The following ASAP1 variants were observed in gnomAD, a reference collection of about 807,000 sequenced individuals.
ASAP1 encodes ArfGAP with SH3 domain, ankyrin repeat and PH domain 1.
Under a neutral mutation model 145.2 loss-of-function variants are expected in ASAP1, and 43 were observed. The observed-to-expected ratio is 0.30, with a 90% CI of 0.23 to 0.38. The LOEUF is 0.38. Among genes scored for constraint, ASAP1 ranks in the 10% least tolerant of loss-of-function variants. The probability of loss-of-function intolerance (pLI) is 1.00; values close to 1 mark genes in which losing one functional copy is unlikely to be tolerated. For missense variants in ASAP1, 1,018 were observed against 1,355.3 expected (o/e 0.75, Z 3.91); for synonymous variants, 546 against 515.5 (o/e 1.06, Z -0.80).
At chr8:130,125,019 T>C (rs144515644) in intron 17 of ASAP1, among the ~76,000 whole-genome samples, 2 of 152,316 alleles carry the variant, frequency 1.3e-5, no homozygotes, top group Non-Finnish European at 2.9e-5. Flanking sequence ...CACGATTGCT[T>C]AGTGAACGCT....
chr8:130,244,972 G>C (rs1366792971), intron 3 of ASAP1, among the ~76,000 whole-genome samples: 1 of 152,138 alleles, frequency 6.6e-6, no homozygotes, highest in Non-Finnish European at 1.5e-5. Flanking sequence ...AGTTTGAGGA[G>C]TTGAGGTGTG....
At chr8:130,314,092 A>AATTTGGTCAGAAAAGGCC (rs1249458951) in intron 3 of ASAP1, among the ~76,000 whole-genome samples, 1 of 152,128 alleles carries the variant, frequency 6.6e-6, no homozygotes, top group Non-Finnish European at 1.5e-5. Context: ...CGTCACCTTC[A>AATTTGGTCAGAAAAGGCC]ATTTGGTCAG....
intron 27 of ASAP1, among the ~76,000 whole-genome samples, chr8:130,062,260 T>G (rs1467971388): frequency 6.6e-6 from 1 of 152,226 alleles, no homozygotes; most frequent in African/African-American, 2.4e-5. Context: ...ATTAGGAATT[T>G]GATCCTAAAA....
At chr8:130,275,573 C>T (rs566119641) in intron 3 of ASAP1, among the ~76,000 whole-genome samples, 1 of 152,056 alleles carries the variant, frequency 6.6e-6, no homozygotes, top group South Asian at 2.1e-4. Context: ...TTTAAAGGGG[C>T]CTTATCAACT....
intron 3 of ASAP1, among the ~76,000 whole-genome samples, chr8:130,245,012 A>G (rs779653776): frequency 3.9e-5 from 6 of 152,112 alleles, no homozygotes; most frequent in Non-Finnish European, 7.4e-5. Context: ...GTGTAACAAC[A>G]CCCACAGTTA....
chr8:130,224,663 C>A (rs909022360), intron 4 of ASAP1, among the ~76,000 whole-genome samples: 25 of 152,056 alleles, frequency 1.6e-4, no homozygotes, highest in Admixed American at 1.6e-3. Context: ...GAATAAAAAT[C>A]ATGAAATTTA....
At chr8:130,442,954 C>G (rs1587065653) in intron 1 of ASAP1, among the ~76,000 whole-genome samples, 2 of 152,282 alleles carry the variant, frequency 1.3e-5, no homozygotes, top group South Asian at 4.1e-4. Flanking sequence ...CCTTCCCTTT[C>G]GTTTCTCTTC....
At chr8:130,209,761 TGAAC>T (rs1202722567) in intron 5 of ASAP1, among the ~76,000 whole-genome samples, 2 of 152,062 alleles carry the variant, frequency 1.3e-5, no homozygotes, top group Non-Finnish European at 2.9e-5. Context: ...AGTTGCAAGT[TGAAC>T]TAACTGGCAT....
rs1306705315 is a variant in ASAP1 at position 130,353,220 on chromosome 8, C to T, written c.186+4797G>A. 2.6e-5 allele frequency among the ~76,000 whole-genome samples: 4 copies of T among 152,184 alleles called. No individual in the cohort carries two copies. In the East Asian group the frequency reaches 7.7e-4, roughly 29 times the overall value. On this transcript the variant is annotated intron_variant, in intron 3 of 29. Transcript: ENST00000518721. ...TAATACAATCTGGATAACCCCAATACCTCAGTAGGACTTGGAAAATGACTT... is the reference window on the plus strand; with the variant it reads ...TAATACAATCTGGATAACCCCAATATCTCAGTAGGACTTGGAAAATGACTT...
intron 3 of ASAP1, among the ~76,000 whole-genome samples, chr8:130,264,101 C>G (rs965763429): frequency 6.6e-6 from 1 of 152,264 alleles, no homozygotes; most frequent in East Asian, 1.9e-4. Context: ...AACAGAGAGA[C>G]ACAACACACA....
chr8:130,130,925 G>A (rs1452392632), intron 15 of ASAP1, among the ~76,000 whole-genome samples: 2 of 152,066 alleles, frequency 1.3e-5, no homozygotes, highest in African/African-American at 2.4e-5. Flanking sequence ...GGGAGGCCAA[G>A]GCGGGCAAAT....
At chr8:130,181,923 C>A (rs1272645218) in intron 7 of ASAP1, among the ~76,000 whole-genome samples, 3 of 152,272 alleles carry the variant, frequency 2.0e-5, no homozygotes, top group Middle Eastern at 6.8e-3. Flanking sequence ...GTAGGGGAAA[C>A]CAACTCTGAA....
chr8:130,177,704 A>T (rs16904211), intron 9 of ASAP1, among the ~76,000 whole-genome samples: 2 of 152,140 alleles, frequency 1.3e-5, no homozygotes, highest in African/African-American at 4.8e-5. Flanking sequence ...TTTGAAAAAA[A>T]GTTATCATCA....
intron 3 of ASAP1, among the ~76,000 whole-genome samples, chr8:130,253,135 A>G (rs1348591245): frequency 2.0e-5 from 3 of 152,198 alleles, no homozygotes; most frequent in Non-Finnish European, 4.4e-5. Flanking sequence ...ATAGCTACCA[A>G]CTAGATGCTG....
At chr8:130,238,891 T>A (rs76084354) in intron 3 of ASAP1, among the ~76,000 whole-genome samples, 1,679 of 152,220 alleles carry the variant, frequency 0.011, 29 homozygotes, top group African/African-American at 0.039. Flanking sequence ...AGACTGCAAG[T>A]CTAACACGAT....
rs553544835 is a variant in ASAP1 at position 130,162,687 on chromosome 8, G to A, written c.910-2723C>T. Among the ~76,000 whole-genome samples the A allele has an allele frequency of 1.3e-3, 195 of 151,966 alleles. 1 individual carries two copies. The highest frequency in any genetic ancestry group is 4.5e-3 in the African/African-American group (185 of 41,462). ...CAAAAAATTAGCCGGGCGTGGTGGC[G>A]GGCGCCTGTACTCCCAGCTACTCAG... On this transcript the variant is annotated intron_variant, in intron 11 of 29. Coordinates refer to ENST00000518721, the MANE Select transcript of ASAP1 (RefSeq NM_018482.4).
At chr8:130,262,179 G>A (rs1186261840) in intron 3 of ASAP1, among the ~76,000 whole-genome samples, 4 of 151,606 alleles carry the variant, frequency 2.6e-5, no homozygotes, top group Non-Finnish European at 4.4e-5. Flanking sequence ...GGTGGATCAC[G>A]AGGTCAGGAG....
chr8:130,184,517 C>CT (rs1214613070), intron 7 of ASAP1, among the ~76,000 whole-genome samples: 1 of 152,136 alleles, frequency 6.6e-6, no homozygotes, highest in African/African-American at 2.4e-5. Context: ...AACCCTGTAC[C>CT]ATTAGGTATG....
At chr8:130,061,091 A>T (rs2097418561) in intron 27 of ASAP1, 22 bp from the exon 28 acceptor site, 1 of 1,520,132 alleles carries the variant, frequency 6.6e-7, no homozygotes, top group Admixed American at 2.3e-5. Context: ...ATCAAAAACA[A>T]GGAGGTCATT....
Sources: gnomAD v4.1 joint callset for allele counts (sites outside exome capture counted in the v4.1 genomes callset) on GRCh38, gnomAD v4.1.1 for gene constraint, MANE v1.5 for transcripts, NCBI Gene and HGNC (gene_info 2026-07-23, HGNC 2026-07-21) for gene names.